Variants in SRPK3 observed in about 807,000 individuals in gnomAD.
SRPK3 encodes the protein SRSF protein kinase 3, also known as SFRS protein kinase 3.
In SRPK3, 26 loss-of-function variants were observed where a neutral mutation model predicts 45.3. The ratio of observed to expected loss-of-function variants is 0.57; its 90% CI spans 0.42 to 0.80. SRPK3 has a LOEUF of 0.80. SRPK3 is among the 30% of genes least tolerant of loss of function. The pLI, the probability that SRPK3 is intolerant of heterozygous loss-of-function variation, is 0.00. For synonymous variants in SRPK3, 254 were observed against 226.6 expected (o/e 1.12, Z -1.09); for missense variants, 536 against 514.5 (o/e 1.04, Z -0.40).
chrX:153,783,560 T>C (rs1357761000), intron 8 of SRPK3, among the ~76,000 whole-genome samples, 192 bp from the exon 9 acceptor site: 4 of 111,362 alleles, frequency 3.6e-5, no homozygotes, highest in Non-Finnish European at 7.6e-5. Flanking sequence ...CTGTGGGGAG[T>C]GGGGCCACAG....
At chrX:153,784,422 G>A in intron 11 of SRPK3, 28 bp downstream of exon 11, 1 of 1,185,505 alleles carries the variant, frequency 8.4e-7, no homozygotes. Context: ...AGAGCAGAGT[G>A]GGGGGCCCTG....
intron 13 of SRPK3, 28 bp from the exon 14 acceptor site, chrX:153,785,053 G>A (rs1557068560): frequency 8.3e-7 from 1 of 1,211,168 alleles, no homozygotes; most frequent in Non-Finnish European, 1.1e-6. Flanking sequence ...CGGCCTGCCT[G>A]CCCCCAACCT....
Position 153,781,229 on chromosome X carries a change from T to C in SRPK3, c.73T>C (p.Cys25Arg). Residue 25 changes from cysteine to arginine, a missense_variant, in exon 2 of 15, where the codon TGC (cysteine) becomes CGC (arginine). Cys to Arg is a radical substitution (Grantham distance 180). Transcript: ENST00000370101. ...GGSSSSSQAS[C>R]GPESSGSELA... ...CCCCACCCGCAGCTCACAGGCCTCCTGCGGGCCCGAGTCCTCGGGCTCCGA... is the reference window on the plus strand; with the variant it reads ...CCCCACCCGCAGCTCACAGGCCTCCCGCGGGCCCGAGTCCTCGGGCTCCGA... 1 of 1,207,711 alleles carries C rather than the reference T, an allele frequency of 8.3e-7. No individual in the cohort carries two copies. Among genetic ancestry groups the C allele is most frequent in the East Asian group, 3.0e-5 (1 of 33,579 alleles).
rs2148442524 is a variant in SRPK3, at chrX:153,785,438, T to G, written c.1622T>G (p.Phe541Cys). 1 of 1,210,321 alleles carries G rather than the reference T, an allele frequency of 8.3e-7. No homozygotes were observed. Among genetic ancestry groups the G allele is most frequent in the Non-Finnish European group, 1.1e-6 (1 of 895,297 alleles). The change falls in exon 15 of 15, where the codon TTT (phenylalanine) becomes TGT (cysteine). Residue 541 changes from phenylalanine to cysteine, a missense_variant. Coordinates refer to ENST00000370101, the MANE Select transcript of SRPK3 (RefSeq NM_014370.4). ...GAGCAGGCCACACAGTTCAGCGCCT[T>G]TCTGCTGCCCATGATGGAGTACATC... Reference protein sequence around the residue: ...PLEQATQFSAFLLPMMEYIPE... With the variant: ...PLEQATQFSACLLPMMEYIPE...
Position 153,783,998 on chromosome X carries a change from G to A in SRPK3, c.932G>A (p.Gly311Asp), listed in dbSNP as rs1181372374. Residue 311 changes from glycine (G) to aspartate (D), a missense_variant, in exon 10 of 15, where the codon GGC becomes GAC. Coordinates refer to ENST00000370101, the MANE Select transcript of SRPK3 (RefSeq NM_014370.4). Reference sequence around the variant, plus strand: ...GACTCTGGCTTGAGACTAGACGGGGGCAGCGGCTCCACATCCTCTTCAGGC... The same window carrying A: ...GACTCTGGCTTGAGACTAGACGGGGACAGCGGCTCCACATCCTCTTCAGGC... ...AEDSGLRLDG[G>D]SGSTSSSGCH... The A allele has an allele frequency of 2.5e-6, 3 of 1,199,954 alleles. No individual in the cohort carries two copies. Among genetic ancestry groups the A allele is most frequent in the South Asian group, 1.8e-5 (1 of 55,519 alleles).
At chrX:153,783,197 C>CCCCCCGCT in intron 7 of SRPK3, 29 bp from the exon 8 acceptor site, 2 of 975,385 alleles carry the variant, frequency 2.1e-6, no homozygotes, top group Admixed American at 2.7e-5. Context: ...TCCCTGTCCC[C>CCCCCCGCT]CCCCACCGCT....
At chrX:153,781,890 C>A in intron 4 of SRPK3, 60 bp downstream of exon 4, 2 of 1,155,211 alleles carry the variant, frequency 1.7e-6, no homozygotes, top group Middle Eastern at 2.4e-4. Flanking sequence ...CCTGGCAATG[C>A]GGGTGCAAGG....
chrX:153,783,620 G>A (rs1168937551), intron 8 of SRPK3, 132 bp from the exon 9 acceptor site: 73 of 1,054,126 alleles, frequency 6.9e-5, no homozygotes, highest in Non-Finnish European at 9.0e-5. Context: ...GGGCGCTGGC[G>A]CCACATTCTG....
chrX:153,783,306 A>C, intron 8 of SRPK3, 55 bp downstream of exon 8: 1 of 937,519 alleles, frequency 1.1e-6, no homozygotes, highest in Non-Finnish European at 1.5e-6. Flanking sequence ...AGCCAACTGG[A>C]GGCCATCTCT....
At chrX:153,783,277 A>C in intron 8 of SRPK3, 26 bp downstream of exon 8, 5 of 1,144,314 alleles carry the variant, frequency 4.4e-6, no homozygotes, top group Non-Finnish European at 5.9e-6. Flanking sequence ...CCTCTCTCCC[A>C]TGCCTCCTCT....
intron 11 of SRPK3, 42 bp downstream of exon 11, chrX:153,784,436 C>A: frequency 8.5e-7 from 1 of 1,171,836 alleles, no homozygotes. Context: ...GGCCCTGCTC[C>A]AAGGGTGGAG....
rs190739886 is a variant in SRPK3, at chrX:153,785,180, G to T, written c.1519+7G>T. The T allele has an allele frequency of 3.4e-5, 41 of 1,201,655 alleles. No homozygotes were observed. The East Asian group carries it at 1.2e-3, about 36-fold the overall frequency. ...GAGTTCTTCAACCGGAGAGGTGAGGGCCCGGGCAGCCTCAGGCCATGTGGC... is the reference window on the plus strand; with the variant it reads ...GAGTTCTTCAACCGGAGAGGTGAGGTCCCGGGCAGCCTCAGGCCATGTGGC... On this transcript the variant is annotated splice_region_variant and intron_variant, in intron 14 of 14. Transcript: ENST00000370101.
rs1557067812 is a variant in SRPK3 at position 153,783,803 on chromosome X, A to C, written c.826A>C (p.Lys276Gln). 3.3e-6 allele frequency: 4 copies of C among 1,207,868 alleles called. No individual in the cohort carries two copies. The highest frequency in any genetic ancestry group is 4.5e-6 in the Non-Finnish European group (4 of 894,298). The change falls in exon 9 of 15, where the codon AAA becomes CAA. Residue 276 changes from lysine (K) to glutamine (Q), a missense_variant. Lys to Gln is a moderately conservative substitution (Grantham distance 53). Transcript: ENST00000370101. ...GAGGAAGAAGATGAGGCGCAAACGG[A>C]AACAGCAGAAGCGGCTGCTGGAGGA... Reference protein sequence around the residue: ...NKRKKMRRKRKQQKRLLEERL... With the variant: ...NKRKKMRRKRQQQKRLLEERL...
At position 153,783,200 on chromosome X, in the gene SRPK3, C is replaced by T. The variant is rs372400669; in HGVS notation, c.749-26C>T. On this transcript the variant is annotated intron_variant, in intron 7 of 14. Coordinates refer to ENST00000370101, the MANE Select transcript of SRPK3 (RefSeq NM_014370.4). ...AGTCTCTGTTCCTCCCTGTCCCCCC[C>T]CACCGCTCCCCACCTGCACTCCCAG... 7.7e-5 allele frequency: 77 copies of T among 999,710 alleles called. 3 individuals are homozygous for T. The highest frequency in any genetic ancestry group is 3.3e-4 in the Middle Eastern group (1 of 3,033). 82.4% of individuals were successfully genotyped at this position (999,710 alleles called of 1,213,427 possible). A position where few individuals can be genotyped will look rare whatever the true frequency, so the allele number is the denominator to read the frequency against.
At position 153,784,347 on chromosome X, in the gene SRPK3, G is replaced by C. The variant is rs1245272030; in HGVS notation, c.1201G>C (p.Asp401His). 8.3e-7 allele frequency: 1 copy of C among 1,210,310 alleles called. No homozygotes were observed. The highest frequency in any genetic ancestry group is 1.1e-6 in the Non-Finnish European group (1 of 895,404). ...LVNPLEPQNA[D>H]KIKIKIADLG... Reference sequence around the variant, plus strand: ...GAACCCCCTGGAGCCCCAAAATGCAGATAAGATCAAGATCAAGATCGCAGA... The same window carrying C: ...GAACCCCCTGGAGCCCCAAAATGCACATAAGATCAAGATCAAGATCGCAGA... Residue 401 changes from aspartate to histidine, a missense_variant, in exon 11 of 15, where the codon GAT (aspartate) becomes CAT (histidine). Coordinates refer to ENST00000370101, the MANE Select transcript of SRPK3 (RefSeq NM_014370.4).
intron 11 of SRPK3, 100 bp from the exon 12 acceptor site, chrX:153,784,650 C>A: frequency 9.7e-7 from 1 of 1,027,799 alleles, no homozygotes; most frequent in South Asian, 2.0e-5. Context: ...CAGCAAACCC[C>A]ACTGAGCTCC....
chrX:153,781,660 G>A, intron 3 of SRPK3, 47 bp downstream of exon 3: 1 of 1,202,508 alleles, frequency 8.3e-7, no homozygotes, highest in Non-Finnish European at 1.1e-6. Context: ...CTGGGATCCT[G>A]TCCCTGGGCT....
rs1365903824 is a variant in SRPK3, at chrX:153,785,625, G to C, written c.*105G>C. ...GTTCTCCACAACCACAGGGCAGAGA[G>C]ACGCTGGAGCCAGGCCCGGCTCTCA... On this transcript the variant is annotated 3_prime_UTR_variant, in exon 15 of 15. Transcript: ENST00000370101. The C allele has an allele frequency of 9.7e-6, 10 of 1,030,805 alleles. No homozygotes were observed. Among genetic ancestry groups the C allele is most frequent in the Non-Finnish European group, 1.3e-5 (10 of 764,067 alleles). The allele number at this position is 1,030,805 out of a possible 1,213,427, so 84.9% of individuals were successfully genotyped here. A position where few individuals can be genotyped will look rare whatever the true frequency, so the allele number is the denominator to read the frequency against.
intron 8 of SRPK3, 143 bp from the exon 9 acceptor site, chrX:153,783,609 G>C: frequency 1.0e-6 from 1 of 990,932 alleles, no homozygotes. Context: ...CTGGTGCCAA[G>C]GGGCGCTGGC....
Sources: gnomAD v4.1 joint callset for allele counts (sites outside exome capture counted in the v4.1 genomes callset) on GRCh38, gnomAD v4.1.1 for gene constraint, MANE v1.5 for transcripts, NCBI Gene and HGNC (gene_info 2026-07-23, HGNC 2026-07-21) for gene names.